DSCAM: variants seen among roughly 807,000 people sequenced by gnomAD.
DSCAM encodes the protein cell adhesion molecule DSCAM.
DSCAM carries 47 observed loss-of-function variants against 217.7 expected under a neutral mutation model. That is an observed-to-expected ratio of 0.22 (90% CI 0.17 to 0.28). The LOEUF is 0.28. Among genes scored for constraint, DSCAM ranks in the 10% least tolerant of loss-of-function variants. DSCAM has a pLI of 1.00. For synonymous variants in DSCAM, 1,056 were observed against 1,015.3 expected (o/e 1.04, Z -0.76); for missense variants, 2,080 against 2,618.3 (o/e 0.79, Z 4.49).
intron 1 of DSCAM, among the ~76,000 whole-genome samples, chr21:40,713,716 C>A (rs1211910900): frequency 6.6e-6 from 1 of 152,180 alleles, no homozygotes; most frequent in Non-Finnish European, 1.5e-5. Context: ...TGAGCTCATG[C>A]ATTTTAGCAC....
chr21:40,772,026 T>C (rs1339350387), intron 1 of DSCAM, among the ~76,000 whole-genome samples: 4 of 152,342 alleles, frequency 2.6e-5, no homozygotes, highest in African/African-American at 9.6e-5. Context: ...CTACACATGC[T>C]GATAACTTCA....
At chr21:40,343,046 A>G (rs1335925428) in intron 6 of DSCAM, among the ~76,000 whole-genome samples, 5 of 152,132 alleles carry the variant, frequency 3.3e-5, no homozygotes, top group African/African-American at 9.7e-5. Context: ...TGTTTAAAAT[A>G]TATTCCTATC....
rs369595552 is a variant in DSCAM at position 40,532,579 on chromosome 21, T to C, written c.508+160231A>G. Among the ~76,000 whole-genome samples the C allele has an allele frequency of 2.6e-4, 39 of 152,270 alleles. No homozygotes were observed. The East Asian group carries it at 3.7e-3, about 14-fold the overall frequency. On this transcript the variant is annotated intron_variant, in intron 3 of 32. Coordinates refer to ENST00000400454, the MANE Select transcript of DSCAM (RefSeq NM_001389.5). The stretch of plus-strand genomic sequence containing the variant: ...TGATTTATATGTAGTGTTCAGACAG[T>C]TCTTGCCGAGGGCTTTAGCTCAGTG...
Position 40,547,340 on chromosome 21 carries a change from A to T in DSCAM, c.508+145470T>A, listed in dbSNP as rs115514081. On this transcript the variant is annotated intron_variant, in intron 3 of 32. Transcript: ENST00000400454. ...AACACAAAATGGTGGCTTATAATCA[A>T]ATCAGCCCAGAAGCCACTCTGCACC... Among the ~76,000 whole-genome samples the T allele has an allele frequency of 9.9e-3, 1,507 of 152,270 alleles. 24 individuals carry two copies. Among genetic ancestry groups the T allele is most frequent in the African/African-American group, 0.034 (1,418 of 41,538 alleles).
intron 1 of DSCAM, among the ~76,000 whole-genome samples, chr21:40,725,302 ATGTCCAGT>A (rs1162215042): frequency 6.6e-6 from 1 of 152,130 alleles, no homozygotes; most frequent in Non-Finnish European, 1.5e-5. Flanking sequence ...CAAAGTGTAG[ATGTCCAGT>A]TGCCTTTTCT....
intron 3 of DSCAM, among the ~76,000 whole-genome samples, chr21:40,551,506 CT>C (rs879385904): frequency 6.6e-6 from 1 of 152,132 alleles, no homozygotes; most frequent in African/African-American, 2.4e-5. Flanking sequence ...CCCATTCAGA[CT>C]TTTAAAAGGT....
intron 1 of DSCAM, among the ~76,000 whole-genome samples, chr21:40,780,441 A>ATATATATATATATATATATC (rs1407749651): frequency 7.1e-5 from 10 of 141,362 alleles, no homozygotes; most frequent in Non-Finnish European, 1.2e-4. Flanking sequence ...ATATATATAT[A>ATATATATATATATATATATC]TATATATCTC....
At chr21:40,304,210 T>A (rs1011704458) in intron 9 of DSCAM, among the ~76,000 whole-genome samples, 11 of 152,232 alleles carry the variant, frequency 7.2e-5, no homozygotes, top group African/African-American at 2.4e-4. Flanking sequence ...TTATTTTAGA[T>A]CAAGTCTTTA....
intron 3 of DSCAM, among the ~76,000 whole-genome samples, chr21:40,479,698 C>G (rs951930707): frequency 1.3e-5 from 2 of 152,150 alleles, no homozygotes; most frequent in Non-Finnish European, 2.9e-5. Flanking sequence ...CTGGGTCCCT[C>G]TCACAACACG....
chr21:40,175,751 A>G (rs979284265), intron 15 of DSCAM, among the ~76,000 whole-genome samples: 17 of 145,334 alleles, frequency 1.2e-4, no homozygotes, highest in South Asian at 6.6e-4. Flanking sequence ...TGTGGGTTTA[A>G]TCCAGCATAT....
chr21:40,256,950 A>G (rs977119286), intron 11 of DSCAM, among the ~76,000 whole-genome samples: 4 of 152,222 alleles, frequency 2.6e-5, no homozygotes, highest in Non-Finnish European at 5.9e-5. Context: ...AACTGAAAGC[A>G]CACAAACCCT....
At chr21:40,063,261 C>A (rs761867690) in intron 27 of DSCAM, among the ~76,000 whole-genome samples, 23 of 152,062 alleles carry the variant, frequency 1.5e-4, no homozygotes, top group African/African-American at 4.8e-4. Flanking sequence ...CAAACCCATG[C>A]TTTTTGTTAT....
chr21:40,309,721 G>A (rs73371730), intron 9 of DSCAM, among the ~76,000 whole-genome samples: 3,361 of 152,246 alleles, frequency 0.022, 114 homozygotes, highest in African/African-American at 0.077. Flanking sequence ...CTCCATAAGC[G>A]TGTTTTATTT....
intron 1 of DSCAM, among the ~76,000 whole-genome samples, chr21:40,722,255 G>A (rs2090909555): frequency 6.6e-6 from 1 of 152,104 alleles, no homozygotes; most frequent in Admixed American, 6.5e-5. Flanking sequence ...TGTTAAGCAT[G>A]TGGGTGAATA....
intron 8 of DSCAM, among the ~76,000 whole-genome samples, chr21:40,314,138 T>C (rs1456014230): frequency 1.3e-5 from 2 of 152,180 alleles, no homozygotes; most frequent in Non-Finnish European, 2.9e-5. Context: ...GGAGCTTCCA[T>C]ATATAGCCAT....
chr21:40,809,177 A>G (rs1316857717), intron 1 of DSCAM, among the ~76,000 whole-genome samples: 1 of 152,134 alleles, frequency 6.6e-6, no homozygotes, highest in Admixed American at 6.5e-5. Context: ...TCCCCAGGTC[A>G]GCACAGCCAC....
chr21:40,094,833 T>C (rs2089656104), intron 20 of DSCAM, among the ~76,000 whole-genome samples: 1 of 152,320 alleles, frequency 6.6e-6, no homozygotes, highest in South Asian at 2.1e-4. Flanking sequence ...AGAATATTTA[T>C]AGAATTTATA....
At chr21:40,123,351 G>A (rs78541643) in intron 20 of DSCAM, among the ~76,000 whole-genome samples, 2,532 of 152,214 alleles carry the variant, frequency 0.017, 73 homozygotes, top group African/African-American at 0.058. Flanking sequence ...CTCAACAAAC[G>A]CTTAGTGAAT....
intron 3 of DSCAM, among the ~76,000 whole-genome samples, chr21:40,590,956 C>A (rs2076979768): frequency 6.6e-6 from 1 of 151,728 alleles, no homozygotes; most frequent in Non-Finnish European, 1.5e-5. Flanking sequence ...GGCCGTGTCC[C>A]CACCCAAAAT....
Sources: gnomAD v4.1 joint callset for allele counts (sites outside exome capture counted in the v4.1 genomes callset) on GRCh38, gnomAD v4.1.1 for gene constraint, MANE v1.5 for transcripts, NCBI Gene and HGNC (gene_info 2026-07-23, HGNC 2026-07-21) for gene names.